C1orf159: variants seen among roughly 807,000 people sequenced by gnomAD.
C1orf159 encodes uncharacterized protein C1orf159.
C1orf159 carries 19 observed loss-of-function variants against 25.6 expected under a neutral mutation model. That is an observed-to-expected ratio of 0.74 (90% CI 0.52 to 1.09). The LOEUF (loss-of-function observed/expected upper bound fraction) is 1.09. C1orf159 is among the 50% of genes least tolerant of loss of function. The pLI is 0.00. For synonymous variants in C1orf159, 139 were observed against 124.7 expected (o/e 1.12, Z -0.77); for missense variants, 274 against 290.6 (o/e 0.94, Z 0.42).
rs935700467 is a variant in C1orf159, at chr1:1,082,726, G to A, written c.*167C>T. 2.0e-5 allele frequency: 13 copies of A among 644,198 alleles called. No individual in the cohort carries two copies. The highest frequency in any genetic ancestry group is 1.1e-4 in the East Asian group (4 of 35,988). 39.9% of individuals were successfully genotyped at this position (644,198 alleles called of 1,614,324 possible). On this transcript the variant is annotated 3_prime_UTR_variant, in exon 10 of 10. Coordinates refer to ENST00000421241, the MANE Select transcript of C1orf159 (RefSeq NM_017891.5). Reference sequence around the variant, plus strand: ...GGTGGGGAGGAGCCTCAGGCGGCCCGGGACCCTTTGGCGTCCGTCGCTGGG... The same window carrying A: ...GGTGGGGAGGAGCCTCAGGCGGCCCAGGACCCTTTGGCGTCCGTCGCTGGG...
At chr1:1,101,846 C>T (rs1646104412) in intron 1 of C1orf159, among the ~76,000 whole-genome samples, 1 of 151,966 alleles carries the variant, frequency 6.6e-6, no homozygotes, top group Non-Finnish European at 1.5e-5. Flanking sequence ...CTGAGGCAGG[C>T]AGATCCCCTG....
Position 1,084,084 on chromosome 1 carries a change from C to A in C1orf159, c.502+269G>T, listed in dbSNP as rs764470725. 1.9e-6 allele frequency: 3 copies of A among 1,602,728 alleles called. No individual in the cohort carries two copies. In the South Asian group the frequency reaches 3.3e-5, roughly 18 times the overall value. ...GGGTCCTCCTTTCCTGCAGACCCCA[C>A]GTCTCGGGAACAGGAAAGAGCATGG... On this transcript the variant is annotated intron_variant, in intron 9 of 9. Coordinates refer to ENST00000421241, the MANE Select transcript of C1orf159 (RefSeq NM_017891.5).
intron 2 of C1orf159, 137 bp from the exon 3 acceptor site, chr1:1,091,702 T>TGGGTGGGGCTGTGGTGGA: frequency 6.4e-6 from 1 of 156,554 alleles, no homozygotes; most frequent in Non-Finnish European, 1.3e-5. Flanking sequence ...CAAATGGAGA[T>TGGGTGGGGCTGTGGTGGA]GGGTGGGGCT....
intron 1 of C1orf159, among the ~76,000 whole-genome samples, chr1:1,115,455 C>T (rs1183552550): frequency 2.0e-5 from 3 of 151,828 alleles, no homozygotes; most frequent in African/African-American, 4.8e-5. Context: ...AACGCGCCCC[C>T]TTTCTTCCCC....
chr1:1,111,312 G>A (rs1008205736), intron 1 of C1orf159, among the ~76,000 whole-genome samples: 5 of 148,822 alleles, frequency 3.4e-5, no homozygotes, highest in African/African-American at 1.2e-4. Context: ...AGGATCGCTT[G>A]AGCCCAGGAG....
rs371685228 is a variant in C1orf159, at chr1:1,083,893, C to T, written c.502+460G>A. ...GTCACTCAGCCTGTGTCTGTGGCCC[C>T]GCACATAAAATGGGTCCTAACCGGG... On this transcript the variant is annotated intron_variant, in intron 9 of 9. Coordinates refer to ENST00000421241, the MANE Select transcript of C1orf159 (RefSeq NM_017891.5). The T allele has an allele frequency of 9.6e-5, 149 of 1,550,466 alleles. 1 individual carries two copies. The East Asian group carries it at 2.4e-3, about 25-fold the overall frequency.
Position 1,108,940 on chromosome 1 carries a change from G to A in C1orf159, c.-136+7120C>T, listed in dbSNP as rs1375579607. On this transcript the variant is annotated intron_variant, in intron 1 of 9. Coordinates refer to ENST00000421241, the MANE Select transcript of C1orf159 (RefSeq NM_017891.5). ...CCGTCCACCACAGCCACCATGTCTC[G>A]GCAGCACCGTTCACCACAGCCACCA... Among the ~76,000 whole-genome samples the A allele has an allele frequency of 1.5e-4, 13 of 87,768 alleles. 1 individual carries two copies. The highest frequency in any genetic ancestry group is 2.8e-4 in the African/African-American group (4 of 14,300). The allele number at this position is 87,768 out of a possible 152,430, so 57.6% of individuals were successfully genotyped here. A position where few individuals can be genotyped will look rare whatever the true frequency, so the allele number is the denominator to read the frequency against.
At chr1:1,090,845 C>G (rs1335339026) in intron 3 of C1orf159, 1 of 1,522,586 alleles carries the variant, frequency 6.6e-7, no homozygotes, top group Non-Finnish European at 8.9e-7. Context: ...TGCCCAGGTA[C>G]TGCACAGGTG....
intron 4 of C1orf159, among the ~76,000 whole-genome samples, chr1:1,088,914 C>T (rs1024943649): frequency 4.6e-5 from 7 of 152,348 alleles, no homozygotes; most frequent in South Asian, 2.1e-4. Context: ...GGTGGAGCTG[C>T]GCTCTCCCAG....
intron 1 of C1orf159, among the ~76,000 whole-genome samples, chr1:1,111,360 T>G (rs1646254133): frequency 8.3e-6 from 1 of 120,456 alleles, no homozygotes; most frequent in African/African-American, 3.7e-5. Context: ...AGATCTCATC[T>G]CTACCAAAAA....
intron 3 of C1orf159, 130 bp from the exon 4 acceptor site, chr1:1,090,558 G>T: frequency 2.1e-6 from 2 of 974,788 alleles, no homozygotes; most frequent in Non-Finnish European, 3.1e-6. Flanking sequence ...TCTGGAGTCA[G>T]CATCGGGTGG....
chr1:1,083,975 C>T (rs1289703720), intron 9 of C1orf159: 4 of 1,604,930 alleles, frequency 2.5e-6, no homozygotes, highest in Non-Finnish European at 3.4e-6. Flanking sequence ...CTCAGGAGGG[C>T]CTGGCGGAGG....
intron 1 of C1orf159, among the ~76,000 whole-genome samples, chr1:1,108,972 A>G (rs1278030505): frequency 1.3e-5 from 1 of 79,636 alleles, no homozygotes; most frequent in Non-Finnish European, 2.3e-5. Context: ...ACCATGTCTC[A>G]GCACCATCCA....
At chr1:1,094,642 C>T (rs536330485) in intron 1 of C1orf159, among the ~76,000 whole-genome samples, 66 of 152,282 alleles carry the variant, frequency 4.3e-4, no homozygotes, top group Non-Finnish European at 7.8e-4. Flanking sequence ...CTTTGTGATC[C>T]GCCTGCCTTG....
In C1orf159 at chr1:1,087,404, G is replaced by A. The variant is rs1461393157; in HGVS notation, c.244+98C>T. On this transcript the variant is annotated intron_variant, in intron 5 of 9. Coordinates refer to ENST00000421241, the MANE Select transcript of C1orf159 (RefSeq NM_017891.5). This position sits in a 1 kb window ranked among gnomAD's most constrained non-coding sequence, Gnocchi z 8.3. ...CCGGGGCTGTTCCCCAGTGGACAGTGGCTCTGGGGCAAGGTGGGGACACAG... is the reference window on the plus strand; with the variant it reads ...CCGGGGCTGTTCCCCAGTGGACAGTAGCTCTGGGGCAAGGTGGGGACACAG... The A allele has an allele frequency of 1.6e-6, 2 of 1,267,116 alleles. No individual in the cohort carries two copies. Among genetic ancestry groups the A allele is most frequent in the Admixed American group, 4.6e-5 (2 of 43,330 alleles). 78.5% of individuals were successfully genotyped at this position (1,267,116 alleles called of 1,614,324 possible).
chr1:1,111,757 C>T (rs915776583), intron 1 of C1orf159, among the ~76,000 whole-genome samples: 8 of 152,266 alleles, frequency 5.3e-5, no homozygotes, highest in African/African-American at 1.9e-4. Flanking sequence ...TGCTGAACCT[C>T]GGTAAACACA....
At chr1:1,084,763 C>A (rs1302294298) in intron 7 of C1orf159, among the ~76,000 whole-genome samples, 1 of 152,114 alleles carries the variant, frequency 6.6e-6, no homozygotes, top group Non-Finnish European at 1.5e-5. Flanking sequence ...CCAGGTGAGT[C>A]CCCGCTCCCT....
intron 1 of C1orf159, among the ~76,000 whole-genome samples, chr1:1,097,702 C>CACACACTACCACGCCCGGCTGATTTTT (rs1557428965): frequency 6.6e-6 from 1 of 150,748 alleles, no homozygotes; most frequent in Non-Finnish European, 1.5e-5. Context: ...GGATTACAGG[C>CACACACTACCACGCCCGGCTGATTTTT]GTGAACCACC....
At position 1,090,177 on chromosome 1, in the gene C1orf159, A is replaced by G. The variant is rs76635258; in HGVS notation, c.148+176T>C. ...AGGCTGCCGCTCAAGGCCGCCCGCC[A>G]GAAAGGAGGCTCAGATGTCCTTCCC... is the stretch of plus-strand genomic sequence containing the variant. On this transcript the variant is annotated intron_variant, in intron 4 of 9. Coordinates refer to ENST00000421241, the MANE Select transcript of C1orf159 (RefSeq NM_017891.5). Among the ~76,000 whole-genome samples the G allele has an allele frequency of 4.7e-3, 721 of 152,308 alleles. 4 individuals carry two copies. The highest frequency in any genetic ancestry group is 0.016 in the African/African-American group (679 of 41,568).
Sources: allele counts gnomAD v4.1 joint callset (sites outside exome capture counted in the v4.1 genomes callset), GRCh38; gene constraint gnomAD v4.1.1; non-coding constraint Gnocchi (gnomAD v3.1); transcripts MANE v1.5; gene names NCBI Gene and HGNC (gene_info 2026-07-23, HGNC 2026-07-21).